Variants in EPS15 observed in about 807,000 individuals in gnomAD.
EPS15 encodes epidermal growth factor receptor substrate 15.
Under a neutral mutation model 113.8 loss-of-function variants are expected in EPS15, and 72 were observed. That is an observed-to-expected ratio of 0.63 (90% confidence interval 0.52 to 0.77). EPS15 has a LOEUF of 0.77. EPS15 is among the 30% of genes least tolerant of loss of function. EPS15 has a pLI of 0.00. For synonymous variants in EPS15, 344 were observed against 363.4 expected, an observed-to-expected ratio of 0.95 and a Z score of 0.61; for missense variants, 1,048 against 1,045.8, an observed-to-expected ratio of 1.00 and a Z score of -0.03.
At chr1:51,445,095 AGTCCAGAGAAAAAG>A in intron 10 of EPS15, 50 bp from the exon 11 acceptor site, 6 of 1,538,496 alleles carry the variant, frequency 3.9e-6, no homozygotes, top group Non-Finnish European at 5.3e-6. Context: ...AACTGCAAAA[AGTCCAGAGAAAAAG>A]TACCACTATG....
intron 20 of EPS15, among the ~76,000 whole-genome samples, chr1:51,396,880 CT>C (rs570495610): frequency 3.0e-3 from 433 of 144,580 alleles, no homozygotes; most frequent in African/African-American, 4.2e-3. Context: ...CTTAATCTAT[CT>C]TTTTTTTTTT....
intron 21 of EPS15, among the ~76,000 whole-genome samples, chr1:51,376,316 A>G (rs1258231044): frequency 6.6e-6 from 1 of 152,248 alleles, no homozygotes; most frequent in Non-Finnish European, 1.5e-5. Flanking sequence ...GTTTTACTGA[A>G]TATTTTAAGC....
chr1:51,424,166 G>A (rs1239974952), intron 12 of EPS15, among the ~76,000 whole-genome samples: 1 of 151,962 alleles, frequency 6.6e-6, no homozygotes, highest in Non-Finnish European at 1.5e-5. Flanking sequence ...AACTTAAAAA[G>A]AATTAAATGT....
chr1:51,513,000 A>G (rs2148568460), intron 1 of EPS15, among the ~76,000 whole-genome samples: 1 of 152,030 alleles, frequency 6.6e-6, no homozygotes, highest in Admixed American at 6.6e-5. Flanking sequence ...AGCTAATTAA[A>G]AAAAATTTTT....
At chr1:51,406,560 G>C (rs1232168877) in intron 15 of EPS15, among the ~76,000 whole-genome samples, 1 of 152,140 alleles carries the variant, frequency 6.6e-6, no homozygotes, top group African/African-American at 2.4e-5. Context: ...GGAATGCTAC[G>C]TGACTTAGAG....
intron 24 of EPS15, among the ~76,000 whole-genome samples, chr1:51,358,279 A>G (rs928865242): frequency 1.3e-5 from 2 of 150,642 alleles, no homozygotes; most frequent in Non-Finnish European, 3.0e-5. Flanking sequence ...CGACGGAGTG[A>G]GCCAAAAAAA....
intron 1 of EPS15, among the ~76,000 whole-genome samples, chr1:51,494,711 C>T (rs1029480005): frequency 6.6e-6 from 1 of 152,218 alleles, no homozygotes; most frequent in African/African-American, 2.4e-5. Context: ...GGCCTCTCTC[C>T]TACTCTTGGT....
intron 13 of EPS15, among the ~76,000 whole-genome samples, chr1:51,419,110 C>G (rs1650510885): frequency 6.6e-6 from 1 of 152,046 alleles, no homozygotes; most frequent in South Asian, 2.1e-4. Context: ...AATACACACC[C>G]AAACCTTAGA....
intron 4 of EPS15, among the ~76,000 whole-genome samples, chr1:51,468,995 T>C (rs1007334506): frequency 1.3e-5 from 2 of 152,030 alleles, no homozygotes; most frequent in African/African-American, 4.8e-5. Flanking sequence ...CCAGGTGTGG[T>C]GGCGTGCACC....
At chr1:51,484,186 C>T (rs1449472865) in intron 1 of EPS15, among the ~76,000 whole-genome samples, 1 of 152,052 alleles carries the variant, frequency 6.6e-6, no homozygotes, top group Admixed American at 6.6e-5. Flanking sequence ...CCTGGTATGC[C>T]CAGGAAAATC....
chr1:51,460,262 T>C (rs1654342549), intron 8 of EPS15, among the ~76,000 whole-genome samples: 1 of 152,210 alleles, frequency 6.6e-6, no homozygotes. Flanking sequence ...TTACCACTGA[T>C]GAATTCACAG....
Position 51,394,305 on chromosome 1 carries a change from A to G in EPS15, c.2119+76T>C, listed in dbSNP as rs1199844147. 5.7e-6 allele frequency: 5 copies of G among 874,060 alleles called. No homozygotes were observed. In the East Asian group the frequency reaches 1.4e-4, roughly 24 times the overall value. 54.1% of individuals were successfully genotyped at this position (874,060 alleles called of 1,614,324 possible). On this transcript the variant is annotated intron_variant, in intron 21 of 24. Coordinates refer to ENST00000371733, the MANE Select transcript of EPS15 (RefSeq NM_001981.3). ...TAAAGCTATAAATAACAGGACAAAT[A>G]TATTTAGAGACAAAGAAAAAAGAAT...
chr1:51,465,734 T>C (rs1184838002), intron 5 of EPS15, among the ~76,000 whole-genome samples: 1 of 152,120 alleles, frequency 6.6e-6, no homozygotes, highest in East Asian at 1.9e-4. Flanking sequence ...GATTTCACCA[T>C]GTTAAGCAAT....
At chr1:51,398,883 A>T (rs1213895613) in intron 20 of EPS15, 149 bp downstream of exon 20, 2 of 686,566 alleles carry the variant, frequency 2.9e-6, no homozygotes, top group Admixed American at 3.1e-5. Context: ...TGAACCAAAA[A>T]CTAAATGAAT....
rs149359823 is a variant in EPS15 at position 51,402,420 on chromosome 1, A to T, written c.1882+15T>A. 5 of 1,405,262 alleles carry T rather than the reference A, an allele frequency of 3.6e-6. No homozygotes were observed. In the African/African-American group the frequency reaches 5.8e-5, roughly 16 times the overall value. 87.0% of individuals were successfully genotyped at this position (1,405,262 alleles called of 1,614,324 possible). The stretch of plus-strand genomic sequence containing the variant: ...TTTTTGGGTAAATCTATAATATAAA[A>T]AAAAGAGTACTTACTGCCAACAAAA... On this transcript the variant is annotated intron_variant, in intron 18 of 24. Coordinates refer to ENST00000371733, the MANE Select transcript of EPS15 (RefSeq NM_001981.3).
At chr1:51,400,218 T>C (rs1648382808) in intron 19 of EPS15, among the ~76,000 whole-genome samples, 1 of 152,224 alleles carries the variant, frequency 6.6e-6, no homozygotes, top group African/African-American at 2.4e-5. Context: ...GATGTTTTAG[T>C]AATTCTTCAA....
At chr1:51,392,536 C>T (rs773488378) in intron 21 of EPS15, among the ~76,000 whole-genome samples, 72 of 152,126 alleles carry the variant, frequency 4.7e-4, no homozygotes, top group Non-Finnish European at 9.6e-4. Flanking sequence ...ACACTGTAAC[C>T]TACCACTTCA....
chr1:51,449,538 A>G (rs1411990529), intron 8 of EPS15, among the ~76,000 whole-genome samples: 4 of 149,362 alleles, frequency 2.7e-5, no homozygotes, highest in South Asian at 4.2e-4. Context: ...ATTTACCTAT[A>G]TAACAAACCT....
intron 8 of EPS15, among the ~76,000 whole-genome samples, chr1:51,449,150 A>G (rs1653320585): frequency 6.6e-6 from 1 of 152,192 alleles, no homozygotes; most frequent in African/African-American, 2.4e-5. Flanking sequence ...TATGTTCATC[A>G]CAGCACTATT....
Sources: gnomAD v4.1 joint callset for allele counts (sites outside exome capture counted in the v4.1 genomes callset) on GRCh38, gnomAD v4.1.1 for gene constraint, MANE v1.5 for transcripts, NCBI Gene and HGNC (gene_info 2026-07-23, HGNC 2026-07-21) for gene names.